The following RAPGEF4 variants were observed in gnomAD, a reference collection of about 807,000 sequenced individuals.
The protein encoded by RAPGEF4 is RAP guanine-nucleotide-exchange factor (GEF) 4.
Under a neutral mutation model 147.9 loss-of-function variants are expected in RAPGEF4, and 66 were observed. The ratio of observed to expected loss-of-function variants is 0.45; its 90% confidence interval spans 0.37 to 0.55. The LOEUF (loss-of-function observed/expected upper bound fraction) is 0.55, where lower values mean the gene tolerates loss of function less well. Among genes scored for constraint, RAPGEF4 ranks in the 20% least tolerant of loss-of-function variants. The probability of loss-of-function intolerance (pLI) is 0.00; values close to 1 mark genes in which losing one functional copy is unlikely to be tolerated. For missense variants in RAPGEF4, 1,071 were observed against 1,257.3 expected (o/e 0.85, Z 2.24); for synonymous variants, 419 against 442.7 (o/e 0.95, Z 0.67).
chr2:172,814,072 G>A (rs1490705717), intron 3 of RAPGEF4, among the ~76,000 whole-genome samples: 1 of 152,126 alleles, frequency 6.6e-6, no homozygotes. Context: ...CTGGAAAGGG[G>A]CACGAGGGGA....
At chr2:172,932,942 T>C (rs1559129520) in intron 6 of RAPGEF4, among the ~76,000 whole-genome samples, 1 of 152,216 alleles carries the variant, frequency 6.6e-6, no homozygotes, top group Non-Finnish European at 1.5e-5. Context: ...AAAATAAATA[T>C]TTTATAAATT....
chr2:172,860,060 G>A, intron 4 of RAPGEF4: 2 of 985,376 alleles, frequency 2.0e-6, no homozygotes, highest in South Asian at 4.7e-5. Flanking sequence ...CAATGATAAA[G>A]CCGGGGCTAC....
chr2:173,025,533 C>T (rs971895304), intron 23 of RAPGEF4, among the ~76,000 whole-genome samples: 5 of 152,212 alleles, frequency 3.3e-5, no homozygotes, highest in Non-Finnish European at 7.3e-5. Context: ...ACCTCTGCCT[C>T]CTGGGTTTAA....
chr2:172,771,064 A>C (rs980280142), intron 1 of RAPGEF4, among the ~76,000 whole-genome samples: 8 of 152,038 alleles, frequency 5.3e-5, no homozygotes, highest in African/African-American at 1.7e-4. Context: ...CTGGTCATTT[A>C]TAAATAATAA....
intron 1 of RAPGEF4, among the ~76,000 whole-genome samples, chr2:172,781,881 G>T (rs1021711016): frequency 6.6e-6 from 1 of 152,100 alleles, no homozygotes; most frequent in African/African-American, 2.4e-5. Flanking sequence ...GTATTGTATT[G>T]TTTTTTATTT....
intron 27 of RAPGEF4, 50 bp from the exon 28 acceptor site, chr2:173,036,075 G>T: frequency 7.4e-7 from 1 of 1,343,264 alleles, no homozygotes; most frequent in Admixed American, 1.7e-5. Flanking sequence ...GTAACAAAGG[G>T]TGGTGTATCT....
At chr2:173,002,725 C>G (rs1277378313) in intron 17 of RAPGEF4, among the ~76,000 whole-genome samples, 1 of 150,086 alleles carries the variant, frequency 6.7e-6, no homozygotes. Flanking sequence ...TCATAATTCT[C>G]TTTGAAGTAA....
chr2:173,009,536 G>A (rs75784903), intron 17 of RAPGEF4, among the ~76,000 whole-genome samples: 16 of 152,094 alleles, frequency 1.1e-4, no homozygotes, highest in African/African-American at 3.1e-4. Context: ...TCCAAAATTC[G>A]AAGTTTTTTT....
intron 4 of RAPGEF4, among the ~76,000 whole-genome samples, chr2:172,822,557 C>G (rs368698498): frequency 2.0e-5 from 3 of 152,202 alleles, no homozygotes; most frequent in African/African-American, 7.2e-5. Flanking sequence ...CTGAGCAGAT[C>G]AAGGCTTGGC....
At position 172,942,567 on chromosome 2, in the gene RAPGEF4, G is replaced by GT. The variant is rs200111791; in HGVS notation, c.538-18192dup. Among the ~76,000 whole-genome samples the GT allele has an allele frequency of 6.9e-3, 838 of 121,822 alleles. 6 individuals carry two copies. Among genetic ancestry groups the GT allele is most frequent in the Admixed American group, 0.014 (166 of 12,124 alleles). The allele number at this position is 121,822 out of a possible 152,430, so 79.9% of individuals were successfully genotyped here. On this transcript the variant is annotated intron_variant, in intron 6 of 30. Coordinates refer to ENST00000397081, the MANE Select transcript of RAPGEF4 (RefSeq NM_007023.4). ...ACTCCTGCTTAGATCTTAGAGTCTG[G>GT]TAAAAAAAAAAAAAAAAAAAAAAAT...
At chr2:172,904,116 A>C (rs1214493338) in intron 4 of RAPGEF4, among the ~76,000 whole-genome samples, 2 of 152,190 alleles carry the variant, frequency 1.3e-5, no homozygotes, top group East Asian at 3.8e-4. Context: ...ATATGTAGGC[A>C]CTTTTTTGTA....
chr2:172,761,116 T>TTA (rs1553505822), intron 1 of RAPGEF4, among the ~76,000 whole-genome samples: 1 of 148,868 alleles, frequency 6.7e-6, no homozygotes, highest in East Asian at 2.0e-4. Context: ...TTTTTTTTTT[T>TTA]AATTTTTTTT....
At chr2:172,773,535 A>G (rs1253413559) in intron 1 of RAPGEF4, among the ~76,000 whole-genome samples, 3 of 152,226 alleles carry the variant, frequency 2.0e-5, no homozygotes, top group Admixed American at 6.5e-5. Context: ...TTACTCATCC[A>G]TGGCTCTCTG....
chr2:172,920,170 T>C (rs1341117289), intron 5 of RAPGEF4, among the ~76,000 whole-genome samples: 1 of 152,236 alleles, frequency 6.6e-6, no homozygotes, highest in Non-Finnish European at 1.5e-5. Context: ...CTGATGTCAA[T>C]AGTTTAATAC....
At chr2:172,841,179 G>C (rs1436584380) in intron 4 of RAPGEF4, among the ~76,000 whole-genome samples, 3 of 152,206 alleles carry the variant, frequency 2.0e-5, no homozygotes, top group African/African-American at 7.2e-5. Context: ...GGTGGGGGCA[G>C]ATCCCTCATG....
At chr2:172,960,852 G>C in intron 7 of RAPGEF4, 39 bp downstream of exon 7, 2 of 1,513,530 alleles carry the variant, frequency 1.3e-6, no homozygotes, top group Non-Finnish European at 1.8e-6. Flanking sequence ...CATTGAGCTA[G>C]CTTCTTAAGT....
At chr2:172,777,317 A>G (rs563757220) in intron 1 of RAPGEF4, among the ~76,000 whole-genome samples, 1 of 152,164 alleles carries the variant, frequency 6.6e-6, no homozygotes, top group African/African-American at 2.4e-5. Flanking sequence ...TTGGGTATCT[A>G]CTATAATCCA....
At chr2:172,831,285 T>TTTTTTTTTTTTTTTTA (rs1690303455) in intron 4 of RAPGEF4, among the ~76,000 whole-genome samples, 2 of 142,218 alleles carry the variant, frequency 1.4e-5, no homozygotes, top group Non-Finnish European at 3.1e-5. Context: ...TTTTTTTTTT[T>TTTTTTTTTTTTTTTTA]GAGACAGAGT....
chr2:172,743,532 G>T (rs1441539387), intron 1 of RAPGEF4, among the ~76,000 whole-genome samples: 1 of 152,148 alleles, frequency 6.6e-6, no homozygotes, highest in Non-Finnish European at 1.5e-5. Context: ...ATTTTTGTCT[G>T]TTGGATATTC....
Sources: gnomAD v4.1 joint callset for allele counts (sites outside exome capture counted in the v4.1 genomes callset) on GRCh38, gnomAD v4.1.1 for gene constraint, MANE v1.5 for transcripts, NCBI Gene and HGNC (gene_info 2026-07-23, HGNC 2026-07-21) for gene names.